The following CALN1 variants were observed in gnomAD, a reference collection of about 807,000 sequenced individuals.
The protein encoded by CALN1 is calneuron 1, also known as calcium-binding protein 8.
A neutral mutation model predicts 30.6 loss-of-function variants in CALN1; 17 were observed. That is an observed-to-expected ratio of 0.56 (90% CI 0.38 to 0.83). The LOEUF (loss-of-function observed/expected upper bound fraction) is 0.83. Among genes scored for constraint, CALN1 ranks in the 40% least tolerant of loss-of-function variants. The pLI, the probability that CALN1 is intolerant of heterozygous loss-of-function variation, is 0.00. For missense variants in CALN1, 291 were observed against 354.9 expected (o/e 0.82, Z 1.45); for synonymous variants, 156 against 131.4 (o/e 1.19, Z -1.28).
At chr7:71,942,878 C>T (rs980383782) in intron 5 of CALN1, among the ~76,000 whole-genome samples, 5 of 152,170 alleles carry the variant, frequency 3.3e-5, no homozygotes, top group African/African-American at 1.2e-4. Context: ...GAGATAGACG[C>T]ATATCTGATT....
chr7:72,285,393 GCCA>G (rs1328353717), intron 2 of CALN1, among the ~76,000 whole-genome samples: 8 of 152,122 alleles, frequency 5.3e-5, no homozygotes, highest in African/African-American at 1.7e-4. Flanking sequence ...ACAGGCGCCT[GCCA>G]CCACGTCTGC....
chr7:71,890,561 T>C (rs1793179437), intron 5 of CALN1, among the ~76,000 whole-genome samples: 1 of 152,060 alleles, frequency 6.6e-6, no homozygotes, highest in Non-Finnish European at 1.5e-5. Flanking sequence ...CATGCTCATA[T>C]AAAATAGAAA....
chr7:72,036,666 T>C (rs934467290), intron 4 of CALN1, among the ~76,000 whole-genome samples: 4 of 152,212 alleles, frequency 2.6e-5, no homozygotes, highest in African/African-American at 9.6e-5. Context: ...AGAATTTCTC[T>C]TATGTTTCAT....
intron 5 of CALN1, among the ~76,000 whole-genome samples, chr7:72,004,112 C>T (rs180760468): frequency 2.0e-5 from 3 of 152,292 alleles, no homozygotes; most frequent in Non-Finnish European, 4.4e-5. Flanking sequence ...TACAAGAAAT[C>T]ACTTAACTGA....
At chr7:72,307,854 AAG>A (rs1485067226) in intron 2 of CALN1, among the ~76,000 whole-genome samples, 7 of 151,652 alleles carry the variant, frequency 4.6e-5, no homozygotes, top group African/African-American at 1.7e-4. Context: ...ATCTGCTGGC[AAG>A]AGGAGGGTCC....
chr7:72,436,223 C>T (rs887097107), intron 1 of CALN1, among the ~76,000 whole-genome samples: 3 of 152,226 alleles, frequency 2.0e-5, no homozygotes, highest in South Asian at 2.1e-4. Context: ...ATAATCCCCA[C>T]GTGTCCTGGG....
chr7:72,206,239 C>T (rs1272918625), intron 3 of CALN1, among the ~76,000 whole-genome samples: 2 of 152,228 alleles, frequency 1.3e-5, no homozygotes, highest in African/African-American at 4.8e-5. Context: ...TGAAATGCAG[C>T]ATCTGTCATT....
chr7:71,983,341 G>A (rs1798497429), intron 5 of CALN1, among the ~76,000 whole-genome samples: 1 of 152,108 alleles, frequency 6.6e-6, no homozygotes, highest in Non-Finnish European at 1.5e-5. Flanking sequence ...TGAGAAGAGG[G>A]TTAATCTACT....
chr7:72,188,604 C>T (rs1304344133), intron 3 of CALN1, among the ~76,000 whole-genome samples: 3 of 152,060 alleles, frequency 2.0e-5, no homozygotes, highest in Non-Finnish European at 4.4e-5. Flanking sequence ...GTTCAGTGTA[C>T]ACTGCTCAGG....
chr7:72,277,040 T>C (rs1443677767), intron 3 of CALN1, among the ~76,000 whole-genome samples: 2 of 151,842 alleles, frequency 1.3e-5, no homozygotes, highest in Admixed American at 6.6e-5. Flanking sequence ...CTGTGCGAAA[T>C]AAATTTCTGT....
At chr7:72,387,602 C>G (rs1026583620) in intron 2 of CALN1, among the ~76,000 whole-genome samples, 4 of 152,152 alleles carry the variant, frequency 2.6e-5, no homozygotes, top group Non-Finnish European at 5.9e-5. Flanking sequence ...TCCTCCCCTA[C>G]ACCCATCACC....
intron 6 of CALN1, among the ~76,000 whole-genome samples, chr7:71,788,491 G>T (rs71551222): frequency 0.15 from 19,030 of 125,690 alleles, 1,655 homozygotes; most frequent in East Asian, 0.4. Flanking sequence ...TTTTTTTGTT[G>T]TTTTTTTTTT....
chr7:72,361,005 G>A (rs144225444), intron 2 of CALN1, among the ~76,000 whole-genome samples: 2,069 of 152,162 alleles, frequency 0.014, 60 homozygotes, highest in African/African-American at 0.047. Context: ...GGGATTACAG[G>A]CATGAGCCAC....
intron 3 of CALN1, among the ~76,000 whole-genome samples, chr7:72,180,068 ATTCTT>A (rs1462118688): frequency 2.6e-5 from 4 of 152,270 alleles, no homozygotes; most frequent in Non-Finnish European, 4.4e-5. Context: ...CCAGCTGCTC[ATTCTT>A]TTCAAGTCAT....
chr7:72,337,242 C>T (rs1248236216), intron 2 of CALN1: 1 of 985,184 alleles, frequency 1.0e-6, no homozygotes, highest in African/African-American at 1.7e-5. Context: ...ACACTCCTCG[C>T]TCTGCCGGCG....
intron 3 of CALN1, among the ~76,000 whole-genome samples, chr7:72,215,700 C>A (rs1200272756): frequency 1.3e-5 from 2 of 152,000 alleles, no homozygotes; most frequent in Non-Finnish European, 1.5e-5. Context: ...GACAGCTCCA[C>A]ACGGAGCTAC....
intron 5 of CALN1, among the ~76,000 whole-genome samples, chr7:71,865,376 G>A (rs1167615907): frequency 1.3e-5 from 2 of 152,228 alleles, no homozygotes; most frequent in East Asian, 3.9e-4. Context: ...TGGAGGCATG[G>A]CCTTCCGCCA....
intron 3 of CALN1, among the ~76,000 whole-genome samples, chr7:72,120,734 A>G (rs772987189): frequency 7.2e-5 from 11 of 152,172 alleles, no homozygotes; most frequent in Non-Finnish European, 1.5e-4. Context: ...CTTAGGTTTT[A>G]GTTCTTGACG....
intron 3 of CALN1, among the ~76,000 whole-genome samples, chr7:72,196,169 G>C (rs1204826087): frequency 1.3e-5 from 2 of 152,006 alleles, no homozygotes; most frequent in African/African-American, 2.4e-5. Flanking sequence ...CTCCAGTGGA[G>C]CGCAGTGGCG....
Sources: allele counts gnomAD v4.1 joint callset (sites outside exome capture counted in the v4.1 genomes callset), GRCh38; gene constraint gnomAD v4.1.1; transcripts MANE v1.5; gene names NCBI Gene and HGNC (gene_info 2026-07-23, HGNC 2026-07-21).